The following REV3L variants were observed in gnomAD, a reference collection of about 807,000 sequenced individuals.
REV3L encodes DNA polymerase zeta catalytic subunit.
In REV3L, 69 loss-of-function variants were observed where a neutral mutation model predicts 299.4. The ratio of observed to expected loss-of-function variants is 0.23; its 90% confidence interval spans 0.19 to 0.28. The LOEUF (loss-of-function observed/expected upper bound fraction) is 0.28. Among genes scored for constraint, REV3L ranks in the 10% least tolerant of loss-of-function variants. REV3L has a pLI of 1.00. For missense variants in REV3L, 3,128 were observed against 3,693.8 expected, an observed-to-expected ratio of 0.85 and a Z score of 3.97; for synonymous variants, 1,238 against 1,271.4, an observed-to-expected ratio of 0.97 and a Z score of 0.56.
chr6:111,481,306 C>T (rs145536593), intron 1 of REV3L, among the ~76,000 whole-genome samples: 21 of 152,274 alleles, frequency 1.4e-4, no homozygotes, highest in Non-Finnish European at 2.8e-4. Flanking sequence ...ACAAAGACAG[C>T]ACCACTATAT....
rs775196275 is a variant in REV3L at position 111,307,538 on chromosome 6, T to G, written c.9075A>C (p.Glu3025Asp). The G allele has an allele frequency of 1.2e-6, 2 of 1,614,218 alleles. No homozygotes were observed. Among genetic ancestry groups the G allele is most frequent in the Non-Finnish European group, 1.7e-6 (2 of 1,180,032 alleles). ...IHKATSSSRS[E>D]PEGRKGTISQ... ...AAATAGTGCCTTTCCGCCCTTCAGG[T>G]TCACTTCGCGAGGAGCTGGTAGCTT... Residue 3025 changes from glutamate (E) to aspartate (D), a missense_variant, in exon 31 of 32, where the codon GAA becomes GAC. Physicochemically the swap from Glu to Asp is conservative, Grantham distance 45 (BLOSUM62 2). Around this residue, in one of 9 missense-constraint regions of REV3L, gnomAD observed 294 missense variants for 377.0 expected, o/e 0.78. Transcript: ENST00000368802.
chr6:111,412,217 C>T (rs1203389736), intron 2 of REV3L: 25 of 984,982 alleles, frequency 2.5e-5, no homozygotes, highest in Non-Finnish European at 3.0e-5. Flanking sequence ...TAGACAGGAA[C>T]TTAAGAGACT....
intron 13 of REV3L, among the ~76,000 whole-genome samples, chr6:111,371,501 C>A (rs887947133): frequency 6.6e-6 from 1 of 151,962 alleles, no homozygotes; most frequent in African/African-American, 2.4e-5. Flanking sequence ...AGTGATTCTC[C>A]TTCCTTAGCC....
intron 30 of REV3L, among the ~76,000 whole-genome samples, chr6:111,308,936 C>G (rs928175377): frequency 1.3e-5 from 2 of 152,218 alleles, no homozygotes; most frequent in African/African-American, 4.8e-5. Context: ...CACAGTGAAA[C>G]AGGAAAGGTT....
intron 1 of REV3L, among the ~76,000 whole-genome samples, chr6:111,420,947 T>C (rs1486179736): frequency 6.6e-6 from 1 of 152,134 alleles, no homozygotes. Context: ...AAGACCATCC[T>C]GGCCAACATG....
At chr6:111,408,155 G>T (rs562805172) in intron 3 of REV3L, among the ~76,000 whole-genome samples, 2 of 152,294 alleles carry the variant, frequency 1.3e-5, no homozygotes, top group South Asian at 4.1e-4. Flanking sequence ...GATGAATCTT[G>T]AGCCTCAGAG....
At chr6:111,476,304 T>A (rs1341129830) in intron 1 of REV3L, among the ~76,000 whole-genome samples, 35 of 152,092 alleles carry the variant, frequency 2.3e-4, no homozygotes, top group Non-Finnish European at 4.4e-5. Flanking sequence ...CACAAACGTG[T>A]ACCACCCTGC....
chr6:111,314,609 C>CTG (rs1773325218), intron 27 of REV3L, among the ~76,000 whole-genome samples: 1 of 152,174 alleles, frequency 6.6e-6, no homozygotes, highest in Non-Finnish European at 1.5e-5. Flanking sequence ...CCCTAACAGT[C>CTG]TTCTCAGCTG....
intron 1 of REV3L, among the ~76,000 whole-genome samples, chr6:111,435,066 G>A (rs1257114280): frequency 1.3e-5 from 2 of 152,174 alleles, no homozygotes; most frequent in Admixed American, 6.5e-5. Context: ...TTAGCTGGAC[G>A]TGGTAGCACA....
chr6:111,332,988 G>C, intron 23 of REV3L, 135 bp downstream of exon 23: 1 of 980,688 alleles, frequency 1.0e-6, no homozygotes, highest in Non-Finnish European at 1.5e-6. Context: ...ATAATGAATG[G>C]ATTAGCTGGG....
At chr6:111,333,052 C>T in intron 23 of REV3L, 71 bp downstream of exon 23, 2 of 1,545,576 alleles carry the variant, frequency 1.3e-6, no homozygotes, top group Non-Finnish European at 1.8e-6. Flanking sequence ...AAGAGACACT[C>T]AGAAAGTGTC....
intron 31 of REV3L, among the ~76,000 whole-genome samples, chr6:111,304,942 CTTTTT>C (rs748453480): frequency 7.3e-6 from 1 of 136,374 alleles, no homozygotes; most frequent in African/African-American, 2.7e-5. Context: ...GTTCTTTGTT[CTTTTT>C]TTTTTTTTTT....
At position 111,433,191 on chromosome 6, in the gene REV3L, G is replaced by C. The variant is rs559724663; in HGVS notation, c.140-16719C>G. On this transcript the variant is annotated intron_variant, in intron 1 of 31. Transcript: ENST00000368802. Reference sequence around the variant, plus strand: ...TTAGTGGAAGGAAATAAATAGTAGCGATCAAATCAGAAATAAATGAAATTG... The same window carrying C: ...TTAGTGGAAGGAAATAAATAGTAGCCATCAAATCAGAAATAAATGAAATTG... 1.1e-4 allele frequency among the ~76,000 whole-genome samples: 16 copies of C among 151,952 alleles called. No homozygotes were observed. In the South Asian group the frequency reaches 3.1e-3, roughly 30 times the overall value.
intron 26 of REV3L, 86 bp downstream of exon 26, chr6:111,322,483 G>GA (rs1269324926): frequency 1.0e-6 from 1 of 985,354 alleles, no homozygotes; most frequent in South Asian, 1.4e-5. Flanking sequence ...TCTGTTTTTA[G>GA]AAAAGATTCC....
At chr6:111,481,435 G>A (rs982196985) in intron 1 of REV3L, among the ~76,000 whole-genome samples, 7 of 152,120 alleles carry the variant, frequency 4.6e-5, no homozygotes, top group Admixed American at 1.3e-4. Context: ...CATCTTTCAA[G>A]GTTCATATCA....
intron 1 of REV3L, among the ~76,000 whole-genome samples, chr6:111,480,838 GTTTTTTT>G (rs56230820): frequency 9.2e-6 from 1 of 109,040 alleles, no homozygotes; most frequent in Non-Finnish European, 2.0e-5. Flanking sequence ...TTTCGTTTTT[GTTTTTTT>G]TTTTTTTTTT....
intron 2 of REV3L, chr6:111,411,910 C>T (rs1223455329): frequency 1.1e-6 from 1 of 874,130 alleles, no homozygotes; most frequent in Non-Finnish European, 1.4e-6. Context: ...CTTTACTCCA[C>T]ATATAAGAAA....
intron 4 of REV3L, among the ~76,000 whole-genome samples, chr6:111,394,332 A>G (rs1364419065): frequency 6.6e-6 from 1 of 152,162 alleles, no homozygotes; most frequent in Non-Finnish European, 1.5e-5. Flanking sequence ...AGCCATTCTA[A>G]CTGGGGTAAG....
chr6:111,430,153 CT>C (rs993654985), intron 1 of REV3L: 3 of 788,942 alleles, frequency 3.8e-6, no homozygotes, highest in African/African-American at 3.4e-5. Flanking sequence ...TGTCACGCCC[CT>C]GTGGGATTAG....
Sources: allele counts gnomAD v4.1 joint callset (sites outside exome capture counted in the v4.1 genomes callset), GRCh38; gene constraint gnomAD v4.1.1; regional missense constraint gnomAD v4.1.1; transcripts MANE v1.5; gene names NCBI Gene and HGNC (gene_info 2026-07-23, HGNC 2026-07-21).